Variants in FAM107A observed in about 807,000 individuals in gnomAD.
FAM107A encodes actin-associated protein FAM107A.
FAM107A carries 19 observed loss-of-function variants against 13.7 expected under a neutral mutation model. The ratio of observed to expected loss-of-function variants is 1.38; its 90% CI spans 0.97 to 2.03. FAM107A has a LOEUF of 2.03. Among genes scored for constraint, FAM107A ranks in the 30% most tolerant of loss-of-function variants. The probability of loss-of-function intolerance (pLI) is 0.00; values close to 1 mark genes in which losing one functional copy is unlikely to be tolerated. For missense variants in FAM107A, 203 were observed against 184.4 expected (o/e 1.10, Z -0.58); for synonymous variants, 82 against 74.5 (o/e 1.10, Z -0.52).
At chr3:58,616,324 C>G (rs1322409429) in intron 1 of FAM107A, among the ~76,000 whole-genome samples, 1 of 152,008 alleles carries the variant, frequency 6.6e-6, no homozygotes. Context: ...AGAATGTCCA[C>G]CAAGTACAGA....
In FAM107A at chr3:58,566,417, G is replaced by A; in HGVS notation, c.*171C>T. On this transcript the variant is annotated 3_prime_UTR_variant, in exon 4 of 4. Transcript: ENST00000360997. ...GGAAGGAAAACCTAGGAGCTTAGGG[G>A]CCCCAGCCTCCCAGGGAGAGCCAGG... The A allele has an allele frequency of 3.4e-6, 2 of 586,430 alleles. No individual in the cohort carries two copies. The highest frequency in any genetic ancestry group is 6.0e-6 in the Non-Finnish European group (2 of 334,226). The allele number at this position is 586,430 out of a possible 1,614,324, so 36.3% of individuals were successfully genotyped here.
At chr3:58,574,883 C>A (rs2063717787) in intron 1 of FAM107A, among the ~76,000 whole-genome samples, 1 of 152,146 alleles carries the variant, frequency 6.6e-6, no homozygotes, top group South Asian at 2.1e-4. Context: ...ACTGCTGCTC[C>A]CACGGAGAGT....
chr3:58,587,081 G>A (rs931257763), exon 1 of FAM107A: 36 of 1,364,078 alleles, frequency 2.6e-5, no homozygotes, highest in Non-Finnish European at 3.1e-5. Flanking sequence ...GGCGGCGGCC[G>A]GAGGGGCGGG....
intron 1 of FAM107A, among the ~76,000 whole-genome samples, chr3:58,576,682 C>T (rs2063733627): frequency 6.6e-6 from 1 of 152,238 alleles, no homozygotes; most frequent in African/African-American, 2.4e-5. Context: ...ATTGCAAAGT[C>T]CTAAAGCCAA....
At chr3:58,571,530 A>G (rs1052841777) in intron 1 of FAM107A, among the ~76,000 whole-genome samples, 3 of 152,150 alleles carry the variant, frequency 2.0e-5, no homozygotes, top group African/African-American at 7.2e-5. Context: ...AAGTGATCAT[A>G]ATAGTACTTA....
At chr3:58,603,753 TTGTC>T (rs1215870781) in intron 1 of FAM107A, among the ~76,000 whole-genome samples, 1 of 152,122 alleles carries the variant, frequency 6.6e-6, no homozygotes, top group Non-Finnish European at 1.5e-5. Flanking sequence ...CCATGGGTGA[TTGTC>T]TGAGAAGGGT....
upstream of FAM107A, among the ~76,000 whole-genome samples, chr3:58,591,498 C>A (rs1278564730): frequency 6.6e-6 from 1 of 152,140 alleles, no homozygotes; most frequent in African/African-American, 2.4e-5. This position sits in a 1 kb window ranked among gnomAD's most constrained non-coding sequence, Gnocchi z 4.3. Context: ...CAGGGGCCAA[C>A]TTCCTCCATG....
chr3:58,603,303 A>G (rs2065767475), intron 1 of FAM107A, among the ~76,000 whole-genome samples: 1 of 152,172 alleles, frequency 6.6e-6, no homozygotes, highest in African/African-American at 2.4e-5. Flanking sequence ...ATGTTCGTAT[A>G]CTGAACACCT....
chr3:58,594,044 G>C (rs572333481), intron 1 of FAM107A, among the ~76,000 whole-genome samples: 4 of 148,852 alleles, frequency 2.7e-5, no homozygotes, highest in African/African-American at 1.0e-4. Flanking sequence ...TGCATCTCTC[G>C]GCAAAGACCC....
intron 1 of FAM107A, among the ~76,000 whole-genome samples, chr3:58,594,434 C>T (rs534955095): frequency 8.5e-5 from 13 of 152,304 alleles, no homozygotes; most frequent in Admixed American, 2.0e-4. Context: ...CAACCTCTAA[C>T]GGCAGCTGCC....
At chr3:58,607,171 A>G (rs2065802663) in intron 1 of FAM107A, 1 of 152,182 alleles carries the variant, frequency 6.6e-6, no homozygotes, top group South Asian at 2.1e-4. Flanking sequence ...GTCCATTTCT[A>G]TTCCCTCTCT....
chr3:58,619,140 A>G (rs1299236077), intron 1 of FAM107A, among the ~76,000 whole-genome samples: 1 of 152,082 alleles, frequency 6.6e-6, no homozygotes, highest in Non-Finnish European at 1.5e-5. Context: ...AGCTGGGACT[A>G]CATGTGCACC....
chr3:58,574,507 G>T (rs1208884371), intron 1 of FAM107A, among the ~76,000 whole-genome samples: 1 of 152,184 alleles, frequency 6.6e-6, no homozygotes, highest in Non-Finnish European at 1.5e-5. Flanking sequence ...ATCTGATTAA[G>T]GTCACAGTTC....
At chr3:58,585,669 C>T (rs2065598244) in intron 1 of FAM107A, among the ~76,000 whole-genome samples, 1 of 152,194 alleles carries the variant, frequency 6.6e-6, no homozygotes, top group South Asian at 2.1e-4. Context: ...GCCCGTGAGC[C>T]CAAGTCCCTT....
At position 58,613,831 on chromosome 3, in the gene FAM107A, G is replaced by A. The variant is rs58756345; in HGVS notation, c.-70+13585C>T. On this transcript the variant is annotated intron_variant, in intron 1 of 3. Transcript: ENST00000465970. This position sits in a 1 kb window ranked among gnomAD's most constrained non-coding sequence, Gnocchi z 4.6. ...GACTGATGGGCAGGAGGCAGAAGGC[G>A]GAAGTCCAGCCCTTACGGCCTGTCC... 0.33 allele frequency among the ~76,000 whole-genome samples: 49,484 copies of A among 152,072 alleles called. 8,869 individuals are homozygous for A. The highest frequency in any genetic ancestry group is 0.46 in the East Asian group (2,392 of 5,168).
chr3:58,598,226 C>T (rs1173770647), intron 1 of FAM107A, among the ~76,000 whole-genome samples: 1 of 152,172 alleles, frequency 6.6e-6, no homozygotes, highest in East Asian at 1.9e-4. Flanking sequence ...GAGAATCAGA[C>T]CCAGCAATCC....
intron 2 of FAM107A, among the ~76,000 whole-genome samples, chr3:58,568,822 TC>T (rs2063651074): frequency 6.6e-6 from 1 of 152,154 alleles, no homozygotes; most frequent in South Asian, 2.1e-4. Context: ...TATTTCCCAG[TC>T]CTCCAAGGGG....
In FAM107A at chr3:58,564,783, C is replaced by T. The variant is rs1390436435; in HGVS notation, c.*1805G>A. The T allele has an allele frequency of 6.6e-6, 1 of 152,278 alleles. No homozygotes were observed. The highest frequency in any genetic ancestry group is 1.5e-5 in the Non-Finnish European group (1 of 68,070). 9.4% of individuals were successfully genotyped at this position (152,278 alleles called of 1,614,324 possible). On this transcript the variant is annotated 3_prime_UTR_variant, in exon 4 of 4. Coordinates refer to ENST00000360997, the MANE Select transcript of FAM107A (RefSeq NM_001076778.3). This position sits in a 1 kb window ranked among gnomAD's most constrained non-coding sequence, Gnocchi z 5.6. ...TGTGCATCTTCAGTGTAACCCTCAC[C>T]TGGCAGACATTAAACAGCGTAAACA...
intron 1 of FAM107A, among the ~76,000 whole-genome samples, chr3:58,622,293 TA>T (rs1270320991): frequency 6.6e-6 from 1 of 152,020 alleles, no homozygotes; most frequent in Non-Finnish European, 1.5e-5. Flanking sequence ...ACAAAAAAAT[TA>T]GCTGGGCGTG....
Sources: gnomAD v4.1 joint callset for allele counts (sites outside exome capture counted in the v4.1 genomes callset) on GRCh38, gnomAD v4.1.1 for gene constraint, Gnocchi (gnomAD v3.1) non-coding constraint, MANE v1.5 for transcripts, NCBI Gene and HGNC (gene_info 2026-07-23, HGNC 2026-07-21) for gene names.